Variants in DCTN5 observed in about 807,000 individuals in gnomAD.
DCTN5 encodes the protein dynactin 4.
In DCTN5, 14 loss-of-function variants were observed where a neutral mutation model predicts 23.5. The ratio of observed to expected loss-of-function variants is 0.60; its 90% confidence interval spans 0.39 to 0.93. The LOEUF (loss-of-function observed/expected upper bound fraction) is 0.93, where lower values mean the gene tolerates loss of function less well. Ranked by LOEUF, DCTN5 falls within the 40% of genes least tolerant of loss-of-function variation. The pLI is 0.00. For synonymous variants in DCTN5, 67 were observed against 79.6 expected (o/e 0.84, Z 0.84); for missense variants, 156 against 225.9 (o/e 0.69, Z 1.98).
chr16:23,661,286 G>A lies in DCTN5; in HGVS notation c.348+5G>A. ...GTTGGGAAGAACTGTGTGATTGTGA[G>A]TATGATGACTTGGCTGGCAAAGCAG... On this transcript the variant is annotated splice_donor_5th_base_variant and intron_variant, in intron 4 of 5. Coordinates refer to ENST00000300087, the MANE Select transcript of DCTN5 (RefSeq NM_032486.4). 6.2e-7 allele frequency: 1 copy of A among 1,601,462 alleles called. No homozygotes were observed. Among genetic ancestry groups the A allele is most frequent in the Non-Finnish European group, 8.5e-7 (1 of 1,172,340 alleles).
intron 2 of DCTN5, among the ~76,000 whole-genome samples, chr16:23,646,734 G>A (rs1199503065): frequency 6.6e-6 from 1 of 152,030 alleles, no homozygotes; most frequent in East Asian, 1.9e-4. Context: ...GCGCCACCAT[G>A]CCTGACTAAT....
chr16:23,645,119 ATATATATATATATATATAT>A lies in DCTN5; in HGVS notation c.117+2098_117+2116del, dbSNP rs1275986447. Among the ~76,000 whole-genome samples, 14 of 35,112 alleles carry A rather than the reference ATATATATATATATATATAT, an allele frequency of 4.0e-4. 1 individual carries two copies. The highest frequency in any genetic ancestry group is 1.5e-3 in the African/African-American group (13 of 8,402). The allele number at this position is 35,112 out of a possible 152,430, so 23.0% of individuals were successfully genotyped here. ...TATATATATATATATATATATATAT[ATATATATATATATATATAT>A]TTTTTTTTTTTTTAATACGCAGTTT... On this transcript the variant is annotated intron_variant, in intron 2 of 5. Coordinates refer to ENST00000300087, the MANE Select transcript of DCTN5 (RefSeq NM_032486.4).
intron 2 of DCTN5, among the ~76,000 whole-genome samples, chr16:23,648,992 G>C (rs1176730477): frequency 1.3e-5 from 2 of 151,872 alleles, no homozygotes; most frequent in Non-Finnish European, 2.9e-5. Flanking sequence ...TGAGTTGCTG[G>C]GACTACAGGC....
At chr16:23,648,649 C>A (rs920349157) in intron 2 of DCTN5, among the ~76,000 whole-genome samples, 3 of 151,752 alleles carry the variant, frequency 2.0e-5, no homozygotes, top group African/African-American at 7.3e-5. Context: ...CACACCTGGC[C>A]CTATTTGTAG....
chr16:23,651,784 C>T (rs909693934), intron 2 of DCTN5, among the ~76,000 whole-genome samples: 3 of 152,140 alleles, frequency 2.0e-5, no homozygotes, highest in Admixed American at 6.6e-5. Flanking sequence ...CAGCACTTTG[C>T]GAGACCAAGG....
intron 3 of DCTN5, among the ~76,000 whole-genome samples, chr16:23,659,292 A>C (rs1967768303): frequency 6.6e-6 from 1 of 152,210 alleles, no homozygotes; most frequent in Non-Finnish European, 1.5e-5. Flanking sequence ...AGACTGTCCA[A>C]GAAAGGCCAG....
At chr16:23,649,917 A>G (rs559515533) in intron 2 of DCTN5, among the ~76,000 whole-genome samples, 1 of 150,318 alleles carries the variant, frequency 6.7e-6, no homozygotes, top group East Asian at 2.0e-4. Context: ...ACTTCTGCTT[A>G]TGGATATGCT....
chr16:23,666,682 TTTAA>T (rs1421567544), intron 5 of DCTN5: 4 of 365,072 alleles, frequency 1.1e-5, no homozygotes, highest in African/African-American at 2.1e-5. Flanking sequence ...CACTGAGTGG[TTTAA>T]TTGTTTTTCC....
rs1959223995 is a variant in DCTN5, at chr16:23,676,219, C to CT, written c.*9075_*9076insT. 6.6e-6 allele frequency: 1 copy of CT among 150,718 alleles called. No homozygotes were observed. Among genetic ancestry groups the CT allele is most frequent in the East Asian group, 1.9e-4 (1 of 5,178 alleles). 9.3% of individuals were successfully genotyped at this position (150,718 alleles called of 1,614,324 possible). On this transcript the variant is annotated 3_prime_UTR_variant, in exon 6 of 6. Coordinates refer to ENST00000300087, the MANE Select transcript of DCTN5 (RefSeq NM_032486.4). Reference sequence around the variant, plus strand: ...AAAAAAAAAAAAAAGGTTCAGACAGCAATTAAGGGCTGGGCACGGTGGCTC... The same window carrying CT: ...AAAAAAAAAAAAAAGGTTCAGACAGCTAATTAAGGGCTGGGCACGGTGGCTC...
Position 23,661,166 on chromosome 16 carries a change from C to T in DCTN5, c.237-4C>T, listed in dbSNP as rs760047511. On this transcript the variant is annotated splice_polypyrimidine_tract_variant and splice_region_variant and intron_variant, in intron 3 of 5. Coordinates refer to ENST00000300087, the MANE Select transcript of DCTN5 (RefSeq NM_032486.4). ...TCTGTGTTCATCTTCTTTTCCTCTT[C>T]TAGTGTTGCATTCTTTCCTTTACAT... 1.9e-6 allele frequency: 3 copies of T among 1,602,282 alleles called. No individual in the cohort carries two copies. Among genetic ancestry groups the T allele is most frequent in the African/African-American group, 1.3e-5 (1 of 74,788 alleles).
chr16:23,652,047 T>G (rs73548399), intron 2 of DCTN5, among the ~76,000 whole-genome samples: 1,750 of 152,160 alleles, frequency 0.012, 29 homozygotes, highest in African/African-American at 0.041. Flanking sequence ...AAACTAAAAA[T>G]AAAAAAGAAA....
chr16:23,653,097 G>T (rs1477476739), intron 2 of DCTN5, among the ~76,000 whole-genome samples: 1 of 152,106 alleles, frequency 6.6e-6, no homozygotes, highest in Admixed American at 6.5e-5. Context: ...AGCCGTGATG[G>T]CACCACTGCA....
At chr16:23,647,697 G>T (rs904790714) in intron 2 of DCTN5, among the ~76,000 whole-genome samples, 3 of 149,148 alleles carry the variant, frequency 2.0e-5, no homozygotes, top group Non-Finnish European at 4.5e-5. Flanking sequence ...TAGTAGAGAC[G>T]GGGTTTTACC....
At chr16:23,665,805 A>G (rs1421648395) in intron 5 of DCTN5, 77 bp downstream of exon 5, 2 of 1,198,108 alleles carry the variant, frequency 1.7e-6, no homozygotes, top group Admixed American at 2.0e-5. Flanking sequence ...AGTAATGCTT[A>G]CGATTCCTAT....
intron 2 of DCTN5, among the ~76,000 whole-genome samples, 180 bp downstream of exon 2, chr16:23,643,203 G>T (rs369807): frequency 0.3 from 44,299 of 150,130 alleles, 6,526 homozygotes; most frequent in East Asian, 0.44. Context: ...TTTTGTTTCG[G>T]TTTTTTTTGA....
At position 23,669,782 on chromosome 16, in the gene DCTN5, C is replaced by A. The variant is rs2140990955; in HGVS notation, c.*2638C>A. On this transcript the variant is annotated 3_prime_UTR_variant, in exon 6 of 6. Coordinates refer to ENST00000300087, the MANE Select transcript of DCTN5 (RefSeq NM_032486.4). ...TTCTGAGGATACTCCACTGGGGGTA[C>A]CTGAGCCTGGATTAGAGGGCAGGGG... 6.6e-6 allele frequency: 1 copy of A among 152,332 alleles called. No individual in the cohort carries two copies. The highest frequency in any genetic ancestry group is 3.4e-3 in the Middle Eastern group (1 of 294). 9.4% of individuals were successfully genotyped at this position (152,332 alleles called of 1,614,324 possible).
chr16:23,674,553 ACTCTACTTCC>A lies in DCTN5; in HGVS notation c.*7413_*7422del, dbSNP rs1968061349. ...CTTGCAACAGTGGACTGACAGCCTGACTCTACTTCCCTCACTTTTCTCCCAGCACACACAG... is the reference window on the plus strand; with the variant it reads ...CTTGCAACAGTGGACTGACAGCCTGACTCACTTTTCTCCCAGCACACACAG... On this transcript the variant is annotated 3_prime_UTR_variant, in exon 6 of 6. Transcript: ENST00000300087. 1 of 152,124 alleles carries A rather than the reference ACTCTACTTCC, an allele frequency of 6.6e-6. No homozygotes were observed. The highest frequency in any genetic ancestry group is 1.5e-5 in the Non-Finnish European group (1 of 68,024). 9.4% of individuals were successfully genotyped at this position (152,124 alleles called of 1,614,324 possible). A position where few individuals can be genotyped will look rare whatever the true frequency, so the allele number is the denominator to read the frequency against.
Position 23,670,188 on chromosome 16 carries a change from C to G in DCTN5, c.*3044C>G, listed in dbSNP as rs1967981333. ...AGATAAGTCTCAGATTGCAGGATAC[C>G]TGCTGCAGGGAACAAAGGTGAATGA... On this transcript the variant is annotated 3_prime_UTR_variant, in exon 6 of 6. Transcript: ENST00000300087. The G allele has an allele frequency of 1.3e-5, 2 of 152,234 alleles. No homozygotes were observed. The highest frequency in any genetic ancestry group is 1.3e-4 in the Admixed American group (2 of 15,276). 9.4% of individuals were successfully genotyped at this position (152,234 alleles called of 1,614,324 possible). A position where few individuals can be genotyped will look rare whatever the true frequency, so the allele number is the denominator to read the frequency against.
At chr16:23,655,688 G>T (rs1416677362) in intron 2 of DCTN5, among the ~76,000 whole-genome samples, 2 of 151,840 alleles carry the variant, frequency 1.3e-5, no homozygotes, top group Non-Finnish European at 2.9e-5. Flanking sequence ...GGGACTACAG[G>T]TGCACACCAC....
Sources: allele counts gnomAD v4.1 joint callset (sites outside exome capture counted in the v4.1 genomes callset), GRCh38; gene constraint gnomAD v4.1.1; transcripts MANE v1.5; gene names NCBI Gene and HGNC (gene_info 2026-07-23, HGNC 2026-07-21).